MKNK2: variants seen among roughly 807,000 people sequenced by gnomAD.
MKNK2 encodes MAP kinase-interacting serine/threonine-protein kinase 2.
Under a neutral mutation model 55.0 loss-of-function variants are expected in MKNK2, and 54 were observed. The ratio of observed to expected loss-of-function variants is 0.98; its 90% CI spans 0.79 to 1.23. MKNK2 has a LOEUF of 1.23. Among genes scored for constraint, MKNK2 ranks in the 50% most tolerant of loss-of-function variants. The probability of loss-of-function intolerance (pLI) is 0.00; values close to 1 mark genes in which losing one functional copy is unlikely to be tolerated. For synonymous variants in MKNK2, 323 were observed against 256.0 expected (o/e 1.26, Z -2.50); for missense variants, 685 against 632.1 (o/e 1.08, Z -0.90).
rs927139802 is a variant in MKNK2 at position 2,046,440 on chromosome 19, G to C, written c.168C>G (p.Ile56Met). The change falls in exon 4 of 14, where the codon ATC becomes ATG. Residue 56 changes from isoleucine (I) to methionine (M), a missense_variant. Physicochemically the swap from Ile to Met is conservative, Grantham distance 10. Coordinates refer to ENST00000250896, the MANE Select transcript of MKNK2 (RefSeq NM_199054.3). ...PDMPASQPID[I>M]PDAKKRGKKK... ...TCTTGCCCCTCTTCTTGGCGTCCGGGATGTCAATGGGCTGGCTGGCGGGCA... is the reference window on the plus strand; with the variant it reads ...TCTTGCCCCTCTTCTTGGCGTCCGGCATGTCAATGGGCTGGCTGGCGGGCA... 1 of 1,609,218 alleles carries C rather than the reference G, an allele frequency of 6.2e-7. No homozygotes were observed.
Position 2,039,571 on chromosome 19 carries a change from T to C in MKNK2, c.*42A>G, listed in dbSNP as rs1217137706. The C allele has an allele frequency of 5.1e-6, 8 of 1,567,784 alleles. No homozygotes were observed. Among genetic ancestry groups the C allele is most frequent in the East Asian group, 2.3e-5 (1 of 44,008 alleles). ...TAGCTTAAAAAACCTTTAGATTTGA[T>C]TGGGGGACGGGTGACCTATGTACAG... On this transcript the variant is annotated 3_prime_UTR_variant, in exon 14 of 14. Transcript: ENST00000250896.
intron 13 of MKNK2, 111 bp downstream of exon 13, chr19:2,040,023 C>T (rs2016841405): frequency 7.1e-7 from 1 of 1,411,768 alleles, no homozygotes; most frequent in Admixed American, 2.0e-5. Context: ...AGTCACCAGG[C>T]TTGCCTGCCT....
Position 2,041,103 on chromosome 19 carries a change from C to T in MKNK2, c.1047G>A (p.Leu349=), listed in dbSNP as rs558805397. 2.5e-6 allele frequency: 4 copies of T among 1,614,082 alleles called. No homozygotes were observed. Among genetic ancestry groups the T allele is most frequent in the African/African-American group, 1.3e-5 (1 of 75,044 alleles). ...CAAKDLISKL[L]VRDAKQRLSA... ...TCAGCCTCTGCTTGGCGTCACGGACCAGCAGCTTGGAGATGAGGTCTTTGG... is the reference window on the plus strand; with the variant it reads ...TCAGCCTCTGCTTGGCGTCACGGACTAGCAGCTTGGAGATGAGGTCTTTGG... The change falls in exon 12 of 14, where the codon CTG becomes CTA. Residue 349 remains leucine, a synonymous_variant. Transcript: ENST00000250896.
At chr19:2,045,931 C>T (rs1040320356) in intron 5 of MKNK2, among the ~76,000 whole-genome samples, 1 of 152,180 alleles carries the variant, frequency 6.6e-6, no homozygotes, top group Non-Finnish European at 1.5e-5. Flanking sequence ...TGTCATGTAC[C>T]CTCAGGGACA....
At position 2,037,678 on chromosome 19, in the gene MKNK2, T is replaced by C. The variant is rs1418861772; in HGVS notation, c.*1935A>G. 3.7e-6 allele frequency: 4 copies of C among 1,093,344 alleles called. No individual in the cohort carries two copies. The highest frequency in any genetic ancestry group is 3.7e-5 in the South Asian group (2 of 53,848). The allele number at this position is 1,093,344 out of a possible 1,614,324, so 67.7% of individuals were successfully genotyped here. A position where few individuals can be genotyped will look rare whatever the true frequency, so the allele number is the denominator to read the frequency against. On this transcript the variant is annotated 3_prime_UTR_variant, in exon 14 of 14. Transcript: ENST00000250896. ...TTAAAAACATCGTAACATTAACACA[T>C]GGCCGTTCACCGTCCCCCAGCGATG...
chr19:2,051,049 C>A, intron 1 of MKNK2, 47 bp downstream of exon 1: 1 of 353,460 alleles, frequency 2.8e-6, no homozygotes, highest in Non-Finnish European at 5.0e-6. Flanking sequence ...GCCCGTTTCC[C>A]GCTACCGGGT....
At position 2,046,783 on chromosome 19, in the gene MKNK2, C is replaced by A. The variant is rs113128376; in HGVS notation, c.52-92G>T. 2,208 of 991,778 alleles carry A rather than the reference C, an allele frequency of 2.2e-3. 34 individuals carry two copies. The African/African-American group carries it at 0.032, about 14-fold the overall frequency. The allele number at this position is 991,778 out of a possible 1,614,324, so 61.4% of individuals were successfully genotyped here. A position where few individuals can be genotyped will look rare whatever the true frequency, so the allele number is the denominator to read the frequency against. On this transcript the variant is annotated intron_variant, in intron 2 of 13. Transcript: ENST00000250896. ...CTGCCCCAGTGTCGCAGCGTCCACA[C>A]TGACAAGCCCTGCGCTGAGCATTAC...
At chr19:2,050,644 C>A (rs1404693691) in intron 2 of MKNK2, among the ~76,000 whole-genome samples, 157 bp downstream of exon 2, 1 of 152,188 alleles carries the variant, frequency 6.6e-6, no homozygotes, top group Non-Finnish European at 1.5e-5. Flanking sequence ...CACACCGACC[C>A]CGCTTCAGCG....
chr19:2,046,062 G>T, intron 5 of MKNK2, 124 bp downstream of exon 5: 2 of 961,244 alleles, frequency 2.1e-6, no homozygotes, highest in Admixed American at 1.9e-5. Flanking sequence ...GGGCCCGGTG[G>T]CCACTTTTAG....
chr19:2,045,064 C>T (rs2016968527), intron 5 of MKNK2, among the ~76,000 whole-genome samples: 2 of 152,114 alleles, frequency 1.3e-5, no homozygotes, highest in African/African-American at 4.8e-5. Flanking sequence ...TCGCCCAGGA[C>T]ACCTCCTCCT....
chr19:2,045,910 T>C (rs2016985626), intron 5 of MKNK2, among the ~76,000 whole-genome samples: 1 of 152,158 alleles, frequency 6.6e-6, no homozygotes, highest in Non-Finnish European at 1.5e-5. Context: ...TTTTGATCCT[T>C]GAAACCAAAC....
chr19:2,042,743 C>G (rs1291512415), intron 8 of MKNK2, 23 bp downstream of exon 8: 3 of 1,554,530 alleles, frequency 1.9e-6, no homozygotes, highest in South Asian at 2.4e-5. Flanking sequence ...CCCTAGGAGA[C>G]TCCGGGCGGG....
Position 2,050,906 on chromosome 19 carries a change from C to G in MKNK2, c.-55G>C. On this transcript the variant is annotated 5_prime_UTR_variant, in exon 2 of 14. Coordinates refer to ENST00000250896, the MANE Select transcript of MKNK2 (RefSeq NM_199054.3). ...GGGACCGAGGGCCCGGGGGGAGGCCCGAGGGCGGGCGGCCGGGCGGGGGGC... is the reference window on the plus strand; with the variant it reads ...GGGACCGAGGGCCCGGGGGGAGGCCGGAGGGCGGGCGGCCGGGCGGGGGGC... 7 of 1,371,170 alleles carry G rather than the reference C, an allele frequency of 5.1e-6. No individual in the cohort carries two copies. Among genetic ancestry groups the G allele is most frequent in the Non-Finnish European group, 6.8e-6 (7 of 1,024,968 alleles). The allele number at this position is 1,371,170 out of a possible 1,614,324, so 84.9% of individuals were successfully genotyped here. A position where few individuals can be genotyped will look rare whatever the true frequency, so the allele number is the denominator to read the frequency against.
At position 2,041,909 on chromosome 19, in the gene MKNK2, G is replaced by A. The variant is rs1483451316; in HGVS notation, c.876C>T (p.Tyr292=). The change falls in exon 11 of 14, where the codon TAC becomes TAT. Residue 292 remains tyrosine, a synonymous_variant. Transcript: ENST00000250896. The part of the protein sequence containing the change: ...GVILYILLSG[Y]PPFVGRCGSD... Reference sequence around the variant, plus strand: ...TGCCACAGCGGCCCACGAAGGGCGGGTAGCCGCTGAGTAGGATATACAAGA... The same window carrying A: ...TGCCACAGCGGCCCACGAAGGGCGGATAGCCGCTGAGTAGGATATACAAGA... 8 of 1,546,648 alleles carry A rather than the reference G, an allele frequency of 5.2e-6. No individual in the cohort carries two copies. The highest frequency in any genetic ancestry group is 4.9e-5 in the East Asian group (2 of 40,514).
At chr19:2,042,305 G>A in intron 10 of MKNK2, 122 bp downstream of exon 10, 1 of 914,052 alleles carries the variant, frequency 1.1e-6, no homozygotes, top group Non-Finnish European at 1.6e-6. Flanking sequence ...ACCAATCAGC[G>A]GCTGTTGCTA....
At chr19:2,040,961 C>T in intron 12 of MKNK2, 79 bp downstream of exon 12, 1 of 1,421,394 alleles carries the variant, frequency 7.0e-7, no homozygotes, top group Middle Eastern at 1.8e-4. Flanking sequence ...GCTACACCCT[C>T]AGGGCTTCCC....
intron 2 of MKNK2, among the ~76,000 whole-genome samples, chr19:2,050,317 G>C (rs1257400574): frequency 1.3e-5 from 2 of 152,234 alleles, no homozygotes; most frequent in Admixed American, 6.5e-5. Flanking sequence ...AGCCCGGCCT[G>C]GGGATTCTGA....
At chr19:2,040,967 T>C (rs1402039507) in intron 12 of MKNK2, 73 bp downstream of exon 12, 1 of 1,461,596 alleles carries the variant, frequency 6.8e-7, no homozygotes, top group African/African-American at 1.4e-5. Flanking sequence ...CCCTCAGGGC[T>C]TCCCATGCTC....
Position 2,038,500 on chromosome 19 carries a change from C to T in MKNK2, c.*1113G>A. The stretch of plus-strand genomic sequence containing the variant: ...GAGGGTGGGGGGACTGAGCAGACCC[C>T]CGCATTCCTGGGTGCCCGAAGGGAG... On this transcript the variant is annotated 3_prime_UTR_variant, in exon 14 of 14. Transcript: ENST00000250896. 1.0e-6 allele frequency: 1 copy of T among 985,620 alleles called. No individual in the cohort carries two copies. The highest frequency in any genetic ancestry group is 1.2e-6 in the Non-Finnish European group (1 of 829,998). The allele number at this position is 985,620 out of a possible 1,614,324, so 61.1% of individuals were successfully genotyped here. A position where few individuals can be genotyped will look rare whatever the true frequency, so the allele number is the denominator to read the frequency against.
Sources: gnomAD v4.1 joint callset for allele counts (sites outside exome capture counted in the v4.1 genomes callset) on GRCh38, gnomAD v4.1.1 for gene constraint, MANE v1.5 for transcripts, NCBI Gene and HGNC (gene_info 2026-07-23, HGNC 2026-07-21) for gene names.